The following PAK1 variants were observed in gnomAD, a reference collection of about 807,000 sequenced individuals.
The protein encoded by PAK1 is p21 (RAC1) activated kinase 1.
In PAK1, 29 loss-of-function variants were observed where a neutral mutation model predicts 67.4. The observed-to-expected ratio is 0.43, with a 90% CI of 0.32 to 0.59. PAK1 has a LOEUF of 0.59. Among genes scored for constraint, PAK1 ranks in the 20% least tolerant of loss-of-function variants. The pLI is 0.07. For synonymous variants in PAK1, 223 were observed against 237.4 expected, an observed-to-expected ratio of 0.94 and a Z score of 0.56; for missense variants, 337 against 670.7, an observed-to-expected ratio of 0.50 and a Z score of 5.50.
intron 14 of PAK1, among the ~76,000 whole-genome samples, chr11:77,330,221 A>G (rs1247068727): frequency 6.6e-6 from 1 of 152,202 alleles, no homozygotes; most frequent in Non-Finnish European, 1.5e-5. Flanking sequence ...AAGGTAATTT[A>G]TAGATTCAAT....
At chr11:77,437,561 T>A (rs1287293365) in intron 1 of PAK1, among the ~76,000 whole-genome samples, 1 of 152,154 alleles carries the variant, frequency 6.6e-6, no homozygotes, top group Non-Finnish European at 1.5e-5. Flanking sequence ...CATTTGGCAA[T>A]GTCTAGAGAT....
chr11:77,434,479 A>G (rs1434692169), intron 1 of PAK1, among the ~76,000 whole-genome samples: 4 of 151,214 alleles, frequency 2.6e-5, no homozygotes, highest in Non-Finnish European at 4.4e-5. Context: ...GGGTATTGCT[A>G]TGTCACCCCC....
At chr11:77,420,860 T>C (rs2138182795) in intron 1 of PAK1, among the ~76,000 whole-genome samples, 1 of 152,358 alleles carries the variant, frequency 6.6e-6, no homozygotes, top group Non-Finnish European at 1.5e-5. Context: ...CCAGGGATAC[T>C]ATTAAACATC....
chr11:77,363,515 C>T (rs1313582288), intron 5 of PAK1, among the ~76,000 whole-genome samples: 6 of 152,138 alleles, frequency 3.9e-5, no homozygotes. Flanking sequence ...TCCATTAAAC[C>T]TTCTGTTCCT....
intron 1 of PAK1, among the ~76,000 whole-genome samples, chr11:77,418,845 G>C (rs1592400019): frequency 6.6e-6 from 1 of 152,142 alleles, no homozygotes; most frequent in Non-Finnish European, 1.5e-5. Flanking sequence ...CACTAATAGG[G>C]GAAGTTGGCA....
the PAK1 span, among the ~76,000 whole-genome samples, chr11:77,489,267 G>A: frequency 6.6e-6 from 1 of 152,106 alleles, no homozygotes; most frequent in East Asian, 1.9e-4. Flanking sequence ...AAAAGCTGAG[G>A]GATTTCATCA....
At chr11:77,379,471 G>T in intron 3 of PAK1, 83 bp from the exon 4 acceptor site, 1 of 1,324,340 alleles carries the variant, frequency 7.6e-7, no homozygotes, top group Admixed American at 2.1e-5. Context: ...TTTGACACTT[G>T]CTAGCAGCAA....
At chr11:77,409,132 C>CATGCTG (rs1954110289) in intron 1 of PAK1, among the ~76,000 whole-genome samples, 1 of 152,000 alleles carries the variant, frequency 6.6e-6, no homozygotes, top group Non-Finnish European at 1.5e-5. Context: ...ATTAGCCAGG[C>CATGCTG]ATGCTGACAT....
chr11:77,328,051 A>C (rs1336269432), intron 14 of PAK1, among the ~76,000 whole-genome samples: 3 of 152,204 alleles, frequency 2.0e-5, no homozygotes, highest in African/African-American at 7.2e-5. Context: ...CCATTACATA[A>C]TGGTAAAGGG....
At chr11:77,359,049 G>A in intron 5 of PAK1, 32 bp from the exon 6 acceptor site, 1 of 1,603,992 alleles carries the variant, frequency 6.2e-7, no homozygotes, top group Non-Finnish European at 8.5e-7. Context: ...GATGCATCTG[G>A]TCCAGCTGCC....
intron 1 of PAK1, among the ~76,000 whole-genome samples, chr11:77,451,456 C>T (rs1397350386): frequency 6.6e-6 from 1 of 152,182 alleles, no homozygotes; most frequent in East Asian, 1.9e-4. Context: ...CCAAGACTAC[C>T]CACTTCTTCC....
intron 9 of PAK1, chr11:77,346,936 T>C (rs1944513052): frequency 4.6e-6 from 2 of 439,238 alleles, no homozygotes; most frequent in Non-Finnish European, 9.1e-6. Flanking sequence ...TTGTTGGATA[T>C]GTTAACTGGA....
chr11:77,526,389 A>G, the PAK1 span, among the ~76,000 whole-genome samples: 1 of 152,224 alleles, frequency 6.6e-6, no homozygotes, highest in Non-Finnish European at 1.5e-5. Context: ...ATAGCCTTCC[A>G]TCCAACAACT....
intron 1 of PAK1, among the ~76,000 whole-genome samples, chr11:77,459,693 T>TTCTTC (rs1565718036): frequency 6.5e-5 from 6 of 91,728 alleles, no homozygotes; most frequent in Non-Finnish European, 1.2e-4. Context: ...TCTTCTTCTT[T>TTCTTC]TTTTTTTTTT....
At chr11:77,464,333 A>G (rs536788447) in intron 1 of PAK1, among the ~76,000 whole-genome samples, 3 of 152,288 alleles carry the variant, frequency 2.0e-5, no homozygotes, top group African/African-American at 7.2e-5. Flanking sequence ...CATTTCCTCA[A>G]TGAGGTCTTT....
intron 1 of PAK1, among the ~76,000 whole-genome samples, chr11:77,466,615 A>G (rs1957610044): frequency 6.6e-6 from 1 of 152,114 alleles, no homozygotes; most frequent in Non-Finnish European, 1.5e-5. Flanking sequence ...AAAAAAAAAA[A>G]AGTCTTCAAA....
At chr11:77,481,467 T>C in the PAK1 span, among the ~76,000 whole-genome samples, 12 of 151,798 alleles carry the variant, frequency 7.9e-5, no homozygotes, top group African/African-American at 2.7e-4. Flanking sequence ...ACGAGGTCAA[T>C]AGGTCGAGAC....
intron 7 of PAK1, among the ~76,000 whole-genome samples, chr11:77,354,696 A>C (rs949224940): frequency 1.3e-5 from 2 of 152,210 alleles, no homozygotes; most frequent in African/African-American, 4.8e-5. Context: ...CAATTTTTAA[A>C]ACAGTGAAAA....
chr11:77,489,251 A>T, the PAK1 span, among the ~76,000 whole-genome samples: 10 of 152,228 alleles, frequency 6.6e-5, no homozygotes, highest in Non-Finnish European at 1.3e-4. Flanking sequence ...AAATAGCCAG[A>T]CAAACAAAAG....
Sources: allele counts gnomAD v4.1 joint callset (sites outside exome capture counted in the v4.1 genomes callset), GRCh38; gene constraint gnomAD v4.1.1; transcripts MANE v1.5; gene names NCBI Gene and HGNC (gene_info 2026-07-23, HGNC 2026-07-21).